FBLN1: variants seen among roughly 807,000 people sequenced by gnomAD.
The protein encoded by FBLN1 is fibulin 1, also known as fibulin-1.
Under a neutral mutation model 89.7 loss-of-function variants are expected in FBLN1, and 34 were observed. That is an observed-to-expected ratio of 0.38 (90% CI 0.29 to 0.50). The LOEUF (loss-of-function observed/expected upper bound fraction) is 0.50, where lower values mean the gene tolerates loss of function less well. Among genes scored for constraint, FBLN1 ranks in the 20% least tolerant of loss-of-function variants. FBLN1 has a pLI of 0.92. For missense variants in FBLN1, 777 were observed against 988.1 expected, an observed-to-expected ratio of 0.79 and a Z score of 2.86; for synonymous variants, 393 against 391.3, an observed-to-expected ratio of 1.00 and a Z score of -0.05.
In FBLN1 at chr22:45,515,759, C is replaced by G. The variant is rs917158930; in HGVS notation, c.80-2923C>G. 3.9e-5 allele frequency among the ~76,000 whole-genome samples: 6 copies of G among 152,326 alleles called. No homozygotes were observed. In the East Asian group the frequency reaches 1.2e-3, roughly 29 times the overall value. On this transcript the variant is annotated intron_variant, in intron 1 of 16. Coordinates refer to ENST00000327858, the MANE Select transcript of FBLN1 (RefSeq NM_006486.3). The stretch of plus-strand genomic sequence containing the variant: ...GTGCTTGGAACTTTATAAAGTGCAT[C>G]CCTCTTCTCAGCAACCCTGGGAAGA...
chr22:45,517,500 A>T (rs2088185276), intron 1 of FBLN1: 2 of 467,778 alleles, frequency 4.3e-6, no homozygotes, highest in South Asian at 3.1e-5. Context: ...CTGTGTGCCC[A>T]GCTCATTTGG....
chr22:45,545,089 G>A lies in FBLN1; in HGVS notation c.1321+1563G>A, dbSNP rs543053695. Among the ~76,000 whole-genome samples, 3 of 152,334 alleles carry A rather than the reference G, an allele frequency of 2.0e-5. No homozygotes were observed. Among genetic ancestry groups the A allele is most frequent in the South Asian group, 4.1e-4 (2 of 4,826 alleles). Reference sequence around the variant, plus strand: ...TCCTTCCTGATGAGATGGTCGCAGGGGTTGGATATGCCACAGTGAGCTGTG... The same window carrying A: ...TCCTTCCTGATGAGATGGTCGCAGGAGTTGGATATGCCACAGTGAGCTGTG... On this transcript the variant is annotated intron_variant, in intron 11 of 16. Coordinates refer to ENST00000327858, the MANE Select transcript of FBLN1 (RefSeq NM_006486.3). This position sits in a 1 kb window ranked among gnomAD's most constrained non-coding sequence, Gnocchi z 5.9.
chr22:45,511,111 T>G (rs1000765532), intron 1 of FBLN1, among the ~76,000 whole-genome samples: 1 of 152,112 alleles, frequency 6.6e-6, no homozygotes, highest in Non-Finnish European at 1.5e-5. Flanking sequence ...GTGGTCAGTG[T>G]GCTAATGTAA....
At chr22:45,504,931 T>C (rs898385132) in intron 1 of FBLN1, among the ~76,000 whole-genome samples, 2 of 152,212 alleles carry the variant, frequency 1.3e-5, no homozygotes, top group Non-Finnish European at 2.9e-5. Flanking sequence ...GGGAAGGGGC[T>C]TTTGAAGACT....
chr22:45,553,549 G>C (rs547839387), intron 14 of FBLN1, among the ~76,000 whole-genome samples: 122 of 152,374 alleles, frequency 8.0e-4, no homozygotes, highest in African/African-American at 2.9e-3. Flanking sequence ...TAAAAAGTTT[G>C]AGTAGAGCGA....
At chr22:45,591,856 C>T (rs1475680069) in intron 16 of FBLN1, among the ~76,000 whole-genome samples, 1 of 119,198 alleles carries the variant, frequency 8.4e-6, no homozygotes. Context: ...AAGGAAGTGT[C>T]CTGCACGCCA....
rs1031053848 is a variant in FBLN1, at chr22:45,563,576, A to C, written c.1698-10935A>C. Among the ~76,000 whole-genome samples the C allele has an allele frequency of 5.3e-5, 8 of 152,144 alleles. No individual in the cohort carries two copies. The highest frequency in any genetic ancestry group is 1.9e-4 in the African/African-American group (8 of 41,428). ...CCGGGTACATCATTTCACATGTGTT[A>C]ACTTGTCTTCATTTGTGTTGAACCC... On this transcript the variant is annotated intron_variant, in intron 14 of 16. Transcript: ENST00000327858. This position sits in a 1 kb window ranked among gnomAD's most constrained non-coding sequence, Gnocchi z 5.7.
chr22:45,585,262 G>A (rs1189994881), intron 16 of FBLN1, among the ~76,000 whole-genome samples: 1 of 152,218 alleles, frequency 6.6e-6, no homozygotes, highest in Admixed American at 6.5e-5. Context: ...ACAAGGGCTT[G>A]TGAATGGAGA....
chr22:45,548,506 C>A, intron 12 of FBLN1, 107 bp from the exon 13 acceptor site: 2 of 1,477,806 alleles, frequency 1.4e-6, no homozygotes, highest in Admixed American at 1.8e-5. Flanking sequence ...TTGTCCTGTG[C>A]TGCTGCCCTC....
chr22:45,568,977 CT>C (rs1280112814), intron 14 of FBLN1, among the ~76,000 whole-genome samples: 2 of 152,198 alleles, frequency 1.3e-5, no homozygotes, highest in African/African-American at 4.8e-5. Flanking sequence ...TCTTGTGTGT[CT>C]TTGTCGTCAC....
intron 9 of FBLN1, 113 bp downstream of exon 9, chr22:45,541,485 C>G (rs987235437): frequency 2.3e-6 from 3 of 1,327,004 alleles, no homozygotes; most frequent in East Asian, 2.5e-5. Context: ...TTTCTATCAG[C>G]CCATCCATCC....
At chr22:45,585,583 TG>T (rs1260095435) in intron 16 of FBLN1, among the ~76,000 whole-genome samples, 1 of 152,218 alleles carries the variant, frequency 6.6e-6, no homozygotes, top group Non-Finnish European at 1.5e-5. Context: ...TTCTCTTTTC[TG>T]GGAGACACAG....
chr22:45,591,403 C>G (rs73447060), intron 16 of FBLN1, among the ~76,000 whole-genome samples: 165 of 142,230 alleles, frequency 1.2e-3, no homozygotes, highest in African/African-American at 4.3e-3. Context: ...ATATTTTTCC[C>G]CAAGGGGAAA....
Position 45,505,802 on chromosome 22 carries a change from G to A in FBLN1, c.79+2738G>A, listed in dbSNP as rs568717266. 2.6e-5 allele frequency among the ~76,000 whole-genome samples: 4 copies of A among 152,120 alleles called. No individual in the cohort carries two copies. The East Asian group carries it at 5.8e-4, about 22-fold the overall frequency. On this transcript the variant is annotated intron_variant, in intron 1 of 16. Transcript: ENST00000327858. The stretch of plus-strand genomic sequence containing the variant: ...TATTTTATTTTTGAGACGGAGTTTC[G>A]CTCTTGTCGCCCAGGCTGGAGTGCA...
chr22:45,542,714 C>T (rs2088573134), intron 10 of FBLN1, among the ~76,000 whole-genome samples: 1 of 152,208 alleles, frequency 6.6e-6, no homozygotes, highest in Non-Finnish European at 1.5e-5. Context: ...CAGCCAGTGC[C>T]TGCTGTCACC....
intron 11 of FBLN1, among the ~76,000 whole-genome samples, chr22:45,544,339 G>T (rs993646662): frequency 5.3e-5 from 8 of 152,194 alleles, no homozygotes; most frequent in African/African-American, 1.9e-4. Flanking sequence ...CGCCCACCTC[G>T]GCCTCCCAAA....
intron 2 of FBLN1, among the ~76,000 whole-genome samples, chr22:45,520,380 G>A (rs558332318): frequency 6.6e-6 from 1 of 152,316 alleles, no homozygotes; most frequent in African/African-American, 2.4e-5. Flanking sequence ...TCCTGGGCCT[G>A]TAGATGCCCT....
chr22:45,600,472 G>A lies in FBLN1; in HGVS notation c.*26G>A. The A allele has an allele frequency of 6.2e-7, 1 of 1,614,056 alleles. No individual in the cohort carries two copies. Among genetic ancestry groups the A allele is most frequent in the Non-Finnish European group, 8.5e-7 (1 of 1,179,960 alleles). ...GGGCTGGTCTGCCGCACAGCCGCAG[G>A]TGCACCTCCAGGCCAAATCATTGCT... is the stretch of plus-strand genomic sequence containing the variant. On this transcript the variant is annotated 3_prime_UTR_variant, in exon 17 of 17. Transcript: ENST00000327858.
At chr22:45,547,767 C>T (rs12106652) in intron 12 of FBLN1, among the ~76,000 whole-genome samples, 2,977 of 151,998 alleles carry the variant, frequency 0.02, 97 homozygotes, top group African/African-American at 0.068. Flanking sequence ...CAAACCACTC[C>T]TGACTTGTTC....
Sources: gnomAD v4.1 joint callset for allele counts (sites outside exome capture counted in the v4.1 genomes callset) on GRCh38, gnomAD v4.1.1 for gene constraint, Gnocchi (gnomAD v3.1) non-coding constraint, MANE v1.5 for transcripts, NCBI Gene and HGNC (gene_info 2026-07-23, HGNC 2026-07-21) for gene names.